Variants in KIAA1328 observed in about 807,000 individuals in gnomAD.
KIAA1328 encodes KIAA1328.
Under a neutral mutation model 68.1 loss-of-function variants are expected in KIAA1328, and 52 were observed. The observed-to-expected ratio is 0.76, with a 90% confidence interval of 0.61 to 0.96. KIAA1328 has a LOEUF of 0.96. Among genes scored for constraint, KIAA1328 ranks in the 40% least tolerant of loss-of-function variants. The probability of loss-of-function intolerance (pLI) is 0.00; values close to 1 mark genes in which losing one functional copy is unlikely to be tolerated. For missense variants in KIAA1328, 641 were observed against 677.6 expected (o/e 0.95, Z 0.60); for synonymous variants, 232 against 239.4 (o/e 0.97, Z 0.28).
At chr18:37,132,672 AC>A (rs756512230) in intron 7 of KIAA1328, among the ~76,000 whole-genome samples, 3 of 152,170 alleles carry the variant, frequency 2.0e-5, no homozygotes, top group Non-Finnish European at 4.4e-5. Context: ...TTATCACAAG[AC>A]TTTTATTGAT....
intron 7 of KIAA1328, among the ~76,000 whole-genome samples, chr18:37,138,113 T>G (rs1310831527): frequency 2.0e-5 from 3 of 152,220 alleles, no homozygotes; most frequent in African/African-American, 4.8e-5. Context: ...AATAGTAACA[T>G]AAATAATGAT....
intron 6 of KIAA1328, among the ~76,000 whole-genome samples, chr18:37,023,735 C>T (rs1194387600): frequency 6.6e-6 from 1 of 152,178 alleles, no homozygotes; most frequent in Admixed American, 6.5e-5. Context: ...CAACTGATTA[C>T]TTCATTATCT....
intron 5 of KIAA1328, among the ~76,000 whole-genome samples, chr18:36,904,518 A>G (rs2049149494): frequency 6.6e-6 from 1 of 152,090 alleles, no homozygotes; most frequent in South Asian, 2.1e-4. Flanking sequence ...TAAAATCTAC[A>G]TTACCTAAAG....
chr18:37,054,099 A>G (rs1156563001), intron 6 of KIAA1328, among the ~76,000 whole-genome samples: 2 of 152,186 alleles, frequency 1.3e-5, no homozygotes, highest in African/African-American at 2.4e-5. Context: ...CAAAACCACA[A>G]TGAGATACCA....
intron 6 of KIAA1328, among the ~76,000 whole-genome samples, chr18:36,985,612 T>C (rs1477381846): frequency 6.6e-6 from 1 of 152,180 alleles, no homozygotes; most frequent in African/African-American, 2.4e-5. Flanking sequence ...GAATATTCTT[T>C]TCAACGAGTC....
chr18:37,221,966 C>T (rs2060571730), intron 9 of KIAA1328, 51 bp from the exon 10 acceptor site: 2 of 1,562,058 alleles, frequency 1.3e-6, no homozygotes, highest in South Asian at 1.2e-5. Context: ...TTCTTGAATT[C>T]TCATTTTCTA....
At chr18:36,855,064 C>T (rs1007407578) in intron 4 of KIAA1328, among the ~76,000 whole-genome samples, 2 of 152,120 alleles carry the variant, frequency 1.3e-5, no homozygotes, top group Admixed American at 6.5e-5. Flanking sequence ...GTTAATAGCC[C>T]TTTTTGTTTG....
At chr18:36,946,666 A>G (rs1017621677) in intron 5 of KIAA1328, 6 of 152,236 alleles carry the variant, frequency 3.9e-5, no homozygotes, top group Non-Finnish European at 1.5e-5. Context: ...GATTAATAAT[A>G]GTACATAATG....
At chr18:36,937,180 C>G (rs1401683222) in intron 5 of KIAA1328, among the ~76,000 whole-genome samples, 1 of 151,296 alleles carries the variant, frequency 6.6e-6, no homozygotes, top group Non-Finnish European at 1.5e-5. Flanking sequence ...AAACTGGACC[C>G]CTTGCTTACA....
chr18:37,171,114 A>G lies in KIAA1328; in HGVS notation c.1415-1859A>G, dbSNP rs190522506. 8.5e-5 allele frequency among the ~76,000 whole-genome samples: 13 copies of G among 152,364 alleles called. No individual in the cohort carries two copies. The East Asian group carries it at 2.5e-3, about 29-fold the overall frequency. On this transcript the variant is annotated intron_variant, in intron 8 of 9. Coordinates refer to ENST00000280020, the MANE Select transcript of KIAA1328 (RefSeq NM_020776.3). ...ACAGTTAAAATGAGTAAATTTTATG[A>G]TACTCAAATTATACCTCAATAAAAT...
chr18:37,183,387 TGCCCATGATGG>T (rs1185168093), intron 9 of KIAA1328, among the ~76,000 whole-genome samples: 8 of 152,346 alleles, frequency 5.3e-5, no homozygotes, highest in African/African-American at 1.9e-4. Flanking sequence ...GAATCACAAT[TGCCCATGATGG>T]GCCCCAGTGA....
At chr18:37,099,473 C>CTTT (rs2057528815) in intron 7 of KIAA1328, among the ~76,000 whole-genome samples, 1 of 152,144 alleles carries the variant, frequency 6.6e-6, no homozygotes, top group East Asian at 1.9e-4. Flanking sequence ...TTTACATTTG[C>CTTT]TGAGGAGTGC....
At chr18:36,911,958 T>G (rs572288162) in intron 5 of KIAA1328, among the ~76,000 whole-genome samples, 53 of 152,000 alleles carry the variant, frequency 3.5e-4, no homozygotes, top group African/African-American at 1.3e-3. Context: ...TCTAAGCAAT[T>G]TTTGAAGGCT....
At chr18:37,141,181 C>A (rs1412210215) in intron 7 of KIAA1328, among the ~76,000 whole-genome samples, 3 of 152,146 alleles carry the variant, frequency 2.0e-5, no homozygotes, top group African/African-American at 7.2e-5. Context: ...GTATTTAACA[C>A]CAAACCCCAA....
Position 37,175,577 on chromosome 18 carries a change from T to C in KIAA1328, c.1523+2496T>C, listed in dbSNP as rs558672655. Among the ~76,000 whole-genome samples the C allele has an allele frequency of 3.9e-5, 6 of 152,226 alleles. No homozygotes were observed. The South Asian group carries it at 8.3e-4, about 21-fold the overall frequency. On this transcript the variant is annotated intron_variant, in intron 9 of 9. Coordinates refer to ENST00000280020, the MANE Select transcript of KIAA1328 (RefSeq NM_020776.3). ...GCATGATGACATCATACAGGTCTCT[T>C]ACACGAATTGCAGAGTTAAAAAAAA...
chr18:37,008,100 T>A (rs2053846531), intron 6 of KIAA1328, among the ~76,000 whole-genome samples: 1 of 152,204 alleles, frequency 6.6e-6, no homozygotes, highest in East Asian at 1.9e-4. Flanking sequence ...TTTTTCTCCC[T>A]TTACCAGCTT....
intron 6 of KIAA1328, among the ~76,000 whole-genome samples, chr18:37,018,145 G>A (rs951392323): frequency 6.6e-6 from 1 of 152,094 alleles, no homozygotes; most frequent in Non-Finnish European, 1.5e-5. Flanking sequence ...CTCTTGGAAG[G>A]CTGGTCTAGT....
chr18:36,905,197 C>T (rs542113072), intron 5 of KIAA1328, among the ~76,000 whole-genome samples: 57 of 151,786 alleles, frequency 3.8e-4, no homozygotes, highest in Middle Eastern at 3.4e-3. Flanking sequence ...CTGCAACCTC[C>T]GCCTCCCGGA....
chr18:37,120,472 G>A lies in KIAA1328; in HGVS notation c.1233-39728G>A, dbSNP rs184950455. On this transcript the variant is annotated intron_variant, in intron 7 of 9. Transcript: ENST00000280020. Reference sequence around the variant, plus strand: ...GAAAGAAAGGGGGATGAGAAGAGATGAGTAATTATTTAGAATTCCTGGTAG... The same window carrying A: ...GAAAGAAAGGGGGATGAGAAGAGATAAGTAATTATTTAGAATTCCTGGTAG... Among the ~76,000 whole-genome samples, 13 of 152,290 alleles carry A rather than the reference G, an allele frequency of 8.5e-5. No individual in the cohort carries two copies. In the East Asian group the frequency reaches 2.3e-3, roughly 27 times the overall value.
Sources: allele counts gnomAD v4.1 joint callset (sites outside exome capture counted in the v4.1 genomes callset), GRCh38; gene constraint gnomAD v4.1.1; transcripts MANE v1.5; gene names NCBI Gene and HGNC (gene_info 2026-07-23, HGNC 2026-07-21).